Variants in OTUD7B observed in about 807,000 individuals in gnomAD.
The protein encoded by OTUD7B is OTU deubiquitinase 7B.
A neutral mutation model predicts 82.2 loss-of-function variants in OTUD7B; 34 were observed. That is an observed-to-expected ratio of 0.41 (90% CI 0.31 to 0.55). OTUD7B has a LOEUF of 0.55. Ranked by LOEUF, OTUD7B falls within the 20% of genes least tolerant of loss-of-function variation. OTUD7B has a pLI of 0.20. For synonymous variants in OTUD7B, 398 were observed against 402.7 expected (o/e 0.99, Z 0.14); for missense variants, 944 against 1,062.1 (o/e 0.89, Z 1.55).
upstream of OTUD7B, among the ~76,000 whole-genome samples, chr1:150,011,987 C>A (rs868996471): frequency 5.3e-5 from 8 of 152,190 alleles, no homozygotes; most frequent in African/African-American, 1.7e-4. Context: ...GGTTTACAAT[C>A]GAAAATTTAG....
At chr1:150,062,023 C>T in the OTUD7B span, among the ~76,000 whole-genome samples, 2 of 152,134 alleles carry the variant, frequency 1.3e-5, no homozygotes, top group African/African-American at 4.8e-5. Context: ...CTGTACATTC[C>T]CCTAATAAAT....
At chr1:150,030,065 C>G in the OTUD7B span, among the ~76,000 whole-genome samples, 2 of 152,214 alleles carry the variant, frequency 1.3e-5, no homozygotes, top group Non-Finnish European at 2.9e-5. Flanking sequence ...ATTCTAAGTA[C>G]AGCTGGGGAA....
intron 2 of OTUD7B, among the ~76,000 whole-genome samples, chr1:149,973,981 C>A (rs971034827): frequency 6.6e-6 from 1 of 151,828 alleles, no homozygotes; most frequent in Non-Finnish European, 1.5e-5. Context: ...CTCAGCCTCC[C>A]GAGTAGCTAG....
At chr1:150,029,063 C>T in the OTUD7B span, among the ~76,000 whole-genome samples, 4 of 151,900 alleles carry the variant, frequency 2.6e-5, no homozygotes, top group African/African-American at 9.7e-5. Context: ...TTATGAATTA[C>T]AATTATATAT....
intron 3 of OTUD7B, among the ~76,000 whole-genome samples, chr1:149,967,937 G>A (rs1649626158): frequency 6.6e-6 from 1 of 152,070 alleles, no homozygotes; most frequent in Non-Finnish European, 1.5e-5. Flanking sequence ...GTAATTCTCA[G>A]GGTCTTGGGA....
the OTUD7B span, among the ~76,000 whole-genome samples, chr1:150,029,343 C>T: frequency 2.6e-5 from 4 of 152,222 alleles, no homozygotes; most frequent in South Asian, 8.3e-4. Context: ...AACCCATTGT[C>T]CAGGGTTCTG....
intron 1 of OTUD7B, among the ~76,000 whole-genome samples, chr1:149,995,029 T>C (rs1180939087): frequency 3.9e-5 from 6 of 152,218 alleles, no homozygotes; most frequent in Non-Finnish European, 7.3e-5. Flanking sequence ...CACAGTTAAA[T>C]ACTTAATAAA....
the OTUD7B span, among the ~76,000 whole-genome samples, chr1:150,030,379 GGAAATGCCCCTTC>G: frequency 6.6e-6 from 1 of 152,120 alleles, no homozygotes. Flanking sequence ...CTAGCGTAGA[GGAAATGCCCCTTC>G]GAAATGCCCC....
intron 7 of OTUD7B, among the ~76,000 whole-genome samples, chr1:149,956,275 A>C (rs1648659381): frequency 6.6e-6 from 1 of 152,116 alleles, no homozygotes; most frequent in African/African-American, 2.4e-5. Flanking sequence ...AAAGGATTTT[A>C]TTTCTCCTTC....
intron 5 of OTUD7B, among the ~76,000 whole-genome samples, chr1:149,964,557 T>C (rs1438402521): frequency 6.6e-6 from 1 of 151,660 alleles, no homozygotes; most frequent in African/African-American, 2.4e-5. Flanking sequence ...AGTTGTAAAT[T>C]GACTTAATTT....
chr1:149,952,057 T>TC (rs1648298320), intron 7 of OTUD7B, among the ~76,000 whole-genome samples: 1 of 152,148 alleles, frequency 6.6e-6, no homozygotes, highest in Non-Finnish European at 1.5e-5. Context: ...GCACTAATTT[T>TC]TTTTTATTAT....
At chr1:150,005,474 A>T (rs782552783) in intron 1 of OTUD7B, among the ~76,000 whole-genome samples, 1 of 152,206 alleles carries the variant, frequency 6.6e-6, no homozygotes, top group Non-Finnish European at 1.5e-5. Flanking sequence ...CAGAAATACT[A>T]CAATCTCCTG....
At chr1:149,986,678 T>C (rs1355658033) in intron 1 of OTUD7B, among the ~76,000 whole-genome samples, 2 of 152,298 alleles carry the variant, frequency 1.3e-5, no homozygotes, top group East Asian at 3.9e-4. Context: ...TTCAAGACTG[T>C]CAAAAACTTT....
the OTUD7B span, among the ~76,000 whole-genome samples, chr1:150,046,299 C>T: frequency 3.9e-5 from 6 of 152,134 alleles, no homozygotes; most frequent in South Asian, 1.0e-3. Context: ...CTCAACATCT[C>T]CATCTCCCTG....
chr1:150,053,035 A>G, the OTUD7B span, among the ~76,000 whole-genome samples: 1 of 152,102 alleles, frequency 6.6e-6, no homozygotes, highest in Non-Finnish European at 1.5e-5. Context: ...ACAAAAATCA[A>G]CTCAAGATGG....
chr1:149,976,665 A>G (rs1302061219), intron 2 of OTUD7B, among the ~76,000 whole-genome samples: 2 of 151,940 alleles, frequency 1.3e-5, no homozygotes, highest in East Asian at 1.9e-4. Flanking sequence ...GTATAAAGAT[A>G]TAAGTAAACA....
the OTUD7B span, among the ~76,000 whole-genome samples, chr1:150,026,560 T>C: frequency 1.3e-5 from 2 of 152,176 alleles, no homozygotes; most frequent in African/African-American, 2.4e-5. Context: ...CCTCAGTGAT[T>C]TGTGCAAAGG....
chr1:149,976,791 C>G (rs1410947671), intron 2 of OTUD7B, among the ~76,000 whole-genome samples: 2 of 151,936 alleles, frequency 1.3e-5, no homozygotes, highest in African/African-American at 4.8e-5. Flanking sequence ...ACCCTAAAGT[C>G]ACTTCTATAT....
upstream of OTUD7B, among the ~76,000 whole-genome samples, chr1:150,012,060 G>T (rs1653094781): frequency 6.6e-6 from 1 of 152,222 alleles, no homozygotes; most frequent in African/African-American, 2.4e-5. Context: ...TTGCATGGGG[G>T]CATATCCAAG....
Sources: allele counts gnomAD v4.1 joint callset (sites outside exome capture counted in the v4.1 genomes callset), GRCh38; gene constraint gnomAD v4.1.1; transcripts MANE v1.5; gene names NCBI Gene and HGNC (gene_info 2026-07-23, HGNC 2026-07-21).